Variants in TAS2R1 observed in about 807,000 individuals in gnomAD.
TAS2R1 encodes the protein taste receptor type 2 member 1.
For synonymous variants in TAS2R1, 141 were observed against 134.2 expected, an observed-to-expected ratio of 1.05 and a Z score of -0.35; for missense variants, 370 against 353.4, an observed-to-expected ratio of 1.05 and a Z score of -0.38.
intron 1 of TAS2R1, among the ~76,000 whole-genome samples, chr5:9,665,726 G>A (rs1038800908): frequency 5.3e-5 from 8 of 152,240 alleles, no homozygotes; most frequent in Admixed American, 3.9e-4. Context: ...AGAATTCAGC[G>A]GCTTAATACT....
At chr5:9,714,006 T>C (rs371950410), upstream of TAS2R1, 6 of 152,360 alleles carry the variant, frequency 3.9e-5, no homozygotes, top group Middle Eastern at 3.4e-3. Flanking sequence ...TGGCTAGTTT[T>C]GCCATTGGAT....
intron 2 of TAS2R1, among the ~76,000 whole-genome samples, chr5:9,658,092 T>C (rs1349646008): frequency 6.6e-6 from 1 of 152,108 alleles, no homozygotes; most frequent in Non-Finnish European, 1.5e-5. Flanking sequence ...TCAGAGCAAT[T>C]AAGACAGATA....
At chr5:9,880,292 G>A in the TAS2R1 span, among the ~76,000 whole-genome samples, 8 of 152,218 alleles carry the variant, frequency 5.3e-5, no homozygotes, top group Middle Eastern at 3.4e-3. Flanking sequence ...ACAGTCTCTG[G>A]GGAAGACACC....
chr5:9,702,332 A>T (rs1216201637), intron 1 of TAS2R1, among the ~76,000 whole-genome samples: 1 of 152,148 alleles, frequency 6.6e-6, no homozygotes, highest in African/African-American at 2.4e-5. Flanking sequence ...GACATTTGTG[A>T]TGTCTGCAGA....
upstream of TAS2R1, among the ~76,000 whole-genome samples, chr5:9,715,008 T>C (rs1306214632): frequency 6.6e-6 from 1 of 152,166 alleles, no homozygotes; most frequent in Non-Finnish European, 1.5e-5. Flanking sequence ...TCTCCCTCCA[T>C]CATGAGAGAG....
chr5:9,880,140 C>T, the TAS2R1 span, among the ~76,000 whole-genome samples: 1 of 152,114 alleles, frequency 6.6e-6, no homozygotes, highest in Non-Finnish European at 1.5e-5. Flanking sequence ...TTCAGTCATA[C>T]ATAAACTATA....
chr5:9,798,754 C>A, the TAS2R1 span, among the ~76,000 whole-genome samples: 1 of 152,232 alleles, frequency 6.6e-6, no homozygotes, highest in African/African-American at 2.4e-5. Context: ...CTTTGGTTTA[C>A]AGAGAATGAA....
At chr5:9,856,009 T>C in the TAS2R1 span, among the ~76,000 whole-genome samples, 6 of 152,254 alleles carry the variant, frequency 3.9e-5, no homozygotes, top group East Asian at 1.2e-3. Flanking sequence ...AAGAAAAGAT[T>C]ATGCCTTTGA....
At chr5:9,771,458 A>G in the TAS2R1 span, among the ~76,000 whole-genome samples, 1 of 152,126 alleles carries the variant, frequency 6.6e-6, no homozygotes, top group African/African-American at 2.4e-5. Context: ...TTTCATGGGA[A>G]TATTGGTCTG....
the TAS2R1 span, among the ~76,000 whole-genome samples, chr5:9,722,491 G>A: frequency 2.0e-5 from 3 of 152,212 alleles, no homozygotes; most frequent in Non-Finnish European, 2.9e-5. Flanking sequence ...GATCTCTTTG[G>A]AGACAAAATG....
the TAS2R1 span, among the ~76,000 whole-genome samples, chr5:9,785,174 T>C: frequency 6.6e-6 from 1 of 152,204 alleles, no homozygotes; most frequent in South Asian, 2.1e-4. Flanking sequence ...GTGAGTTCTG[T>C]TGCCATTTGT....
At chr5:9,850,466 T>C in the TAS2R1 span, among the ~76,000 whole-genome samples, 2 of 152,240 alleles carry the variant, frequency 1.3e-5, no homozygotes, top group South Asian at 4.1e-4. Context: ...AGCTGGGTGA[T>C]GGCATGCAGC....
chr5:9,655,208 T>C (rs1323905771), intron 2 of TAS2R1, among the ~76,000 whole-genome samples: 3 of 152,182 alleles, frequency 2.0e-5, no homozygotes, highest in Non-Finnish European at 4.4e-5. Context: ...GGAAGAGAAA[T>C]GTTCTACATT....
chr5:9,657,726 G>A (rs1740442419), intron 2 of TAS2R1, among the ~76,000 whole-genome samples: 1 of 152,210 alleles, frequency 6.6e-6, no homozygotes. Context: ...ATGGTGGTCA[G>A]CAGGGGCTGG....
the TAS2R1 span, among the ~76,000 whole-genome samples, chr5:9,790,697 C>T: frequency 7.7e-3 from 1,178 of 152,152 alleles, 11 homozygotes; most frequent in African/African-American, 0.027. Context: ...GGTGTAATCT[C>T]GGCTCATTGC....
At chr5:9,868,047 G>A in the TAS2R1 span, among the ~76,000 whole-genome samples, 1 of 152,180 alleles carries the variant, frequency 6.6e-6, no homozygotes, top group Non-Finnish European at 1.5e-5. Flanking sequence ...CACTCCTGTG[G>A]CTTAATAGGG....
chr5:9,638,923 C>A (rs1579762998), intron 2 of TAS2R1, among the ~76,000 whole-genome samples: 1 of 152,082 alleles, frequency 6.6e-6, no homozygotes, highest in Non-Finnish European at 1.5e-5. Context: ...TAGCAAGAGG[C>A]CTGACCCAGC....
In TAS2R1 at chr5:9,629,099, A is replaced by G; in HGVS notation, c.*34T>C. ...GTGGCAGGCATGGGTAAATCATTGAATCATGGGTTCTTTGAACTGATCCAA... is the reference window on the plus strand; with the variant it reads ...GTGGCAGGCATGGGTAAATCATTGAGTCATGGGTTCTTTGAACTGATCCAA... On this transcript the variant is annotated 3_prime_UTR_variant, in exon 1 of 1. Coordinates refer to ENST00000382492, the MANE Select transcript of TAS2R1 (RefSeq NM_019599.3). 1 of 1,510,196 alleles carries G rather than the reference A, an allele frequency of 6.6e-7. No individual in the cohort carries two copies. 93.5% of individuals were successfully genotyped at this position (1,510,196 alleles called of 1,614,324 possible).
At chr5:9,674,403 A>T (rs894647193) in intron 1 of TAS2R1, among the ~76,000 whole-genome samples, 3 of 152,192 alleles carry the variant, frequency 2.0e-5, no homozygotes, top group Non-Finnish European at 4.4e-5. Flanking sequence ...ATCCAAATAC[A>T]ATTTATCTTC....
Sources: gnomAD v4.1 joint callset for allele counts (sites outside exome capture counted in the v4.1 genomes callset) on GRCh38, gnomAD v4.1.1 for gene constraint, MANE v1.5 for transcripts, NCBI Gene and HGNC (gene_info 2026-07-23, HGNC 2026-07-21) for gene names.